The following CAPZB variants were observed in gnomAD, a reference collection of about 807,000 sequenced individuals.
The protein encoded by CAPZB is capping actin protein of muscle Z-line subunit beta.
A neutral mutation model predicts 38.1 loss-of-function variants in CAPZB; 2 were observed. That is an observed-to-expected ratio of 0.05 (90% CI 0.02 to 0.17). The LOEUF (loss-of-function observed/expected upper bound fraction) is 0.17. Ranked by LOEUF, CAPZB falls within the 10% of genes least tolerant of loss-of-function variation. CAPZB has a pLI of 1.00. For synonymous variants in CAPZB, 107 were observed against 127.4 expected (o/e 0.84, Z 1.08); for missense variants, 161 against 334.2 (o/e 0.48, Z 4.04).
chr1:19,462,117 C>T (rs2100742975), intron 1 of CAPZB, among the ~76,000 whole-genome samples: 1 of 151,772 alleles, frequency 6.6e-6, no homozygotes, highest in South Asian at 2.1e-4. Context: ...GTGAATGAGC[C>T]ACTGCACTCC....
At chr1:19,482,466 G>A (rs1224647945) in intron 1 of CAPZB, among the ~76,000 whole-genome samples, 1 of 152,184 alleles carries the variant, frequency 6.6e-6, no homozygotes, top group African/African-American at 2.4e-5. Flanking sequence ...GGCCTCCCTA[G>A]TCCCCGTTCC....
In CAPZB at chr1:19,339,292, G is replaced by C. The variant is rs967801707; in HGVS notation, c.*238C>G. ...GGGCCCGGGTGAACAAAAACCACAC[G>C]GTCTCTATGGAAATGTGGAGAGAAC... On this transcript the variant is annotated 3_prime_UTR_variant, in exon 9 of 9. Transcript: ENST00000264202. 3.8e-6 allele frequency: 2 copies of C among 523,468 alleles called. No individual in the cohort carries two copies. Among genetic ancestry groups the C allele is most frequent in the Non-Finnish European group, 6.8e-6 (2 of 294,002 alleles). 32.4% of individuals were successfully genotyped at this position (523,468 alleles called of 1,614,324 possible).
chr1:19,372,362 C>A (rs2100392888), intron 4 of CAPZB, among the ~76,000 whole-genome samples: 1 of 152,344 alleles, frequency 6.6e-6, no homozygotes, highest in Non-Finnish European at 1.5e-5. Context: ...TGGGAGTAAT[C>A]ATCTTTGGAA....
intron 1 of CAPZB, among the ~76,000 whole-genome samples, chr1:19,468,140 A>G (rs1024069586): frequency 4.6e-5 from 7 of 152,214 alleles, no homozygotes; most frequent in African/African-American, 1.7e-4. Flanking sequence ...TATGAACTCC[A>G]AACTATGCAT....
intron 1 of CAPZB, chr1:19,484,339 A>G (rs1274432846): frequency 6.4e-7 from 1 of 1,573,696 alleles, no homozygotes; most frequent in Admixed American, 1.9e-5. Flanking sequence ...ACGGCCTCAC[A>G]AGGGCGATTG....
chr1:19,480,567 G>C (rs1251184133), intron 1 of CAPZB, among the ~76,000 whole-genome samples: 1 of 152,204 alleles, frequency 6.6e-6, no homozygotes, highest in African/African-American at 2.4e-5. Context: ...GAACCAAACA[G>C]ACAAGGTCCC....
chr1:19,350,664 G>C (rs1388632514), intron 6 of CAPZB, among the ~76,000 whole-genome samples: 1 of 152,220 alleles, frequency 6.6e-6, no homozygotes, highest in Admixed American at 6.5e-5. Context: ...GCCCAGGCTG[G>C]AGCACAGTGT....
At chr1:19,429,490 C>G (rs1288227386) in intron 1 of CAPZB, among the ~76,000 whole-genome samples, 3 of 152,170 alleles carry the variant, frequency 2.0e-5, no homozygotes, top group African/African-American at 7.2e-5. Context: ...AAGCAAGTCA[C>G]CACCTCATCC....
chr1:19,369,340 A>G (rs1421609387), intron 4 of CAPZB, among the ~76,000 whole-genome samples: 1 of 152,260 alleles, frequency 6.6e-6, no homozygotes, highest in Non-Finnish European at 1.5e-5. Context: ...CTGCGAGAGC[A>G]GGAAGCAGGC....
chr1:19,372,731 C>T (rs967209241), intron 4 of CAPZB, among the ~76,000 whole-genome samples: 4 of 152,058 alleles, frequency 2.6e-5, no homozygotes, highest in African/African-American at 9.7e-5. Flanking sequence ...GTCAAATGAT[C>T]CTCCGAGCCA....
At chr1:19,399,754 T>C (rs940050814) in intron 2 of CAPZB, among the ~76,000 whole-genome samples, 4 of 152,220 alleles carry the variant, frequency 2.6e-5, no homozygotes, top group Non-Finnish European at 5.9e-5. Flanking sequence ...AAAAGGGCTG[T>C]ACCAATTTTC....
intron 4 of CAPZB, among the ~76,000 whole-genome samples, chr1:19,364,215 T>C (rs766770519): frequency 7.2e-5 from 11 of 152,342 alleles, no homozygotes; most frequent in Middle Eastern, 3.4e-3. Flanking sequence ...TTTTCTTATT[T>C]GTAAAATCAA....
intron 8 of CAPZB, among the ~76,000 whole-genome samples, chr1:19,343,860 A>C (rs1187896668): frequency 6.6e-6 from 1 of 152,210 alleles, no homozygotes; most frequent in African/African-American, 2.4e-5. Context: ...GGGCCCCCTG[A>C]GAACGCCCAG....
chr1:19,411,152 CAGA>C (rs2094355482), intron 2 of CAPZB, among the ~76,000 whole-genome samples: 1 of 152,128 alleles, frequency 6.6e-6, no homozygotes, highest in Non-Finnish European at 1.5e-5. Flanking sequence ...TGCTTGAGTT[CAGA>C]AGTTTGAGAC....
chr1:19,471,040 C>G (rs192875145), intron 1 of CAPZB, among the ~76,000 whole-genome samples: 1 of 152,300 alleles, frequency 6.6e-6, no homozygotes, highest in East Asian at 1.9e-4. Flanking sequence ...TTGGATAGTA[C>G]CAAACCCTAT....
chr1:19,417,926 C>G (rs1182327162), intron 2 of CAPZB, among the ~76,000 whole-genome samples: 2 of 151,986 alleles, frequency 1.3e-5, no homozygotes, highest in African/African-American at 4.8e-5. Flanking sequence ...CACTTGAGGT[C>G]AAGAGTTTGA....
intron 6 of CAPZB, among the ~76,000 whole-genome samples, chr1:19,348,529 GA>G (rs2093974544): frequency 6.6e-6 from 1 of 152,106 alleles, no homozygotes; most frequent in Non-Finnish European, 1.5e-5. Context: ...TGTGCTAGGG[GA>G]GACACAAGAG....
intron 1 of CAPZB, among the ~76,000 whole-genome samples, chr1:19,430,722 G>A (rs144572025): frequency 4.5e-4 from 68 of 152,056 alleles, no homozygotes; most frequent in East Asian, 1.7e-3. Context: ...ACCCGCACCC[G>A]CACCTGCACC....
At chr1:19,372,030 G>C (rs2094122050) in intron 4 of CAPZB, among the ~76,000 whole-genome samples, 1 of 152,216 alleles carries the variant, frequency 6.6e-6, no homozygotes, top group East Asian at 1.9e-4. Context: ...AGAGGCCCTT[G>C]GGCCCTGGGA....
Sources: allele counts gnomAD v4.1 joint callset (sites outside exome capture counted in the v4.1 genomes callset), GRCh38; gene constraint gnomAD v4.1.1; transcripts MANE v1.5; gene names NCBI Gene and HGNC (gene_info 2026-07-23, HGNC 2026-07-21).